IGSF10: variants seen among roughly 807,000 people sequenced by gnomAD.
IGSF10 encodes the protein immunoglobulin superfamily member 10, also known as calvaria mechanical force protein 608.
Under a neutral mutation model 128.2 loss-of-function variants are expected in IGSF10, and 126 were observed. The ratio of observed to expected loss-of-function variants is 0.98; its 90% CI spans 0.85 to 1.14. IGSF10 has a LOEUF of 1.14. IGSF10 is among the 50% of genes most tolerant of loss of function. The probability of loss-of-function intolerance (pLI) is 0.00; values close to 1 mark genes in which losing one functional copy is unlikely to be tolerated. For synonymous variants in IGSF10, 1,185 were observed against 1,146.2 expected (o/e 1.03, Z -0.68); for missense variants, 3,295 against 3,149.8 (o/e 1.05, Z -1.10).
the IGSF10 span, among the ~76,000 whole-genome samples, chr3:151,585,204 C>T: frequency 6.6e-6 from 1 of 151,988 alleles, no homozygotes; most frequent in South Asian, 2.1e-4. Context: ...TGCAAAATAT[C>T]TCATTAATAA....
the IGSF10 span, among the ~76,000 whole-genome samples, chr3:151,530,967 A>G: frequency 2.0e-5 from 3 of 152,202 alleles, no homozygotes; most frequent in African/African-American, 7.2e-5. Flanking sequence ...AGACACACAT[A>G]GGCTCAAAAT....
Position 151,438,309 on chromosome 3 carries a change from C to A in IGSF10, c.6252G>T (p.Met2084Ile). 6.2e-7 allele frequency: 1 copy of A among 1,614,156 alleles called. No individual in the cohort carries two copies. Among genetic ancestry groups the A allele is most frequent in the East Asian group, 2.2e-5 (1 of 44,886 alleles). Reference protein sequence around the residue: ...LPDGTMINNAMQADDSGHRTR... With the variant: ...LPDGTMINNAIQADDSGHRTR... ...TCCTGTGGCCACTGTCATCGGCTTG[C>A]ATTGCATTGTTGATCATGGTTCCAT... The change falls in exon 8 of 8, where the codon ATG becomes ATT. Residue 2084 changes from methionine to isoleucine, a missense_variant. By Grantham distance (10) the Met-to-Ile change is conservative. Coordinates refer to ENST00000282466, the MANE Select transcript of IGSF10 (RefSeq NM_178822.5).
chr3:151,591,491 T>C, the IGSF10 span, among the ~76,000 whole-genome samples: 87 of 149,902 alleles, frequency 5.8e-4, no homozygotes, highest in African/African-American at 2.0e-3. Flanking sequence ...TCCTTAACTA[T>C]CTTTAACTAG....
rs754965156 is a variant in IGSF10, at chr3:151,437,943, G to T, written c.6618C>A (p.Leu2206=). The change falls in exon 8 of 8, where the codon CTC becomes CTA. Residue 2206 remains leucine, a synonymous_variant. Transcript: ENST00000282466. ...CTACACATACGTACTCTCCAGAATC[G>T]AGCAGTTTCACTTTGTTGATGGTCA... ...GSLTINKVKL[L]DSGEYVCVAR... The T allele has an allele frequency of 1.2e-5, 19 of 1,614,054 alleles. No homozygotes were observed. Among genetic ancestry groups the T allele is most frequent in the Non-Finnish European group, 1.4e-5 (17 of 1,180,036 alleles).
chr3:151,443,674 T>A lies in IGSF10; in HGVS notation c.5273A>T (p.His1758Leu). The A allele has an allele frequency of 6.2e-7, 1 of 1,614,096 alleles. No individual in the cohort carries two copies. The highest frequency in any genetic ancestry group is 1.7e-5 in the Admixed American group (1 of 60,024). The change falls in exon 7 of 8, where the codon CAT (histidine) becomes CTT (leucine). Residue 1758 changes from histidine (H) to leucine (L), a missense_variant. By Grantham distance (99) the His-to-Leu change is moderately conservative. Transcript: ENST00000282466. ...CTTCAGTTCCACAGTGCTTCCGGAA[T>A]GAACTGTGATCTCTTTGGTACGTCT... ...LERRTKEITV[H>L]SGSTVELKCR...
At chr3:151,508,471 A>C in the IGSF10 span, among the ~76,000 whole-genome samples, 1 of 152,126 alleles carries the variant, frequency 6.6e-6, no homozygotes, top group African/African-American at 2.4e-5. Flanking sequence ...GAGGAAAGAG[A>C]GATTCTGTCT....
chr3:151,544,206 GC>G, the IGSF10 span, among the ~76,000 whole-genome samples: 1 of 152,188 alleles, frequency 6.6e-6, no homozygotes, highest in East Asian at 1.9e-4. Context: ...ACCACACCTG[GC>G]CTGTCAAATG....
At position 151,446,793 on chromosome 3, in the gene IGSF10, C is replaced by T. The variant is rs1481250249; in HGVS notation, c.3188G>A (p.Cys1063Tyr). 10 of 1,613,988 alleles carry T rather than the reference C, an allele frequency of 6.2e-6. No individual in the cohort carries two copies. Among genetic ancestry groups the T allele is most frequent in the South Asian group, 1.1e-5 (1 of 91,088 alleles). ...AFSATVLNVT[C>Y]LSCLPRERLT... ...CCTCTCCCTGGGAAGACAGGACAGA[C>T]ATGTCACATTGAGCACTGTGGCTGA... The change falls in exon 6 of 8, where the codon TGT becomes TAT. Residue 1063 changes from cysteine (C) to tyrosine (Y), a missense_variant. By Grantham distance (194) the Cys-to-Tyr change is radical. Transcript: ENST00000282466.
the IGSF10 span, among the ~76,000 whole-genome samples, chr3:151,488,602 C>T: frequency 6.6e-6 from 1 of 152,162 alleles, no homozygotes; most frequent in African/African-American, 2.4e-5. Context: ...ACCAAAACAG[C>T]ATGGTATTTA....
the IGSF10 span, among the ~76,000 whole-genome samples, chr3:151,547,425 T>TACACACACAC: frequency 2.4e-5 from 2 of 85,038 alleles, no homozygotes; most frequent in Non-Finnish European, 4.8e-5. Context: ...TATAAATATA[T>TACACACACAC]ATATACACAC....
At chr3:151,598,217 A>G in the IGSF10 span, among the ~76,000 whole-genome samples, 1 of 152,106 alleles carries the variant, frequency 6.6e-6, no homozygotes, top group Non-Finnish European at 1.5e-5. Context: ...GTGTTGGGAT[A>G]CTTAAGCCAA....
At chr3:151,492,925 T>A in the IGSF10 span, among the ~76,000 whole-genome samples, 4 of 111,344 alleles carry the variant, frequency 3.6e-5, no homozygotes, top group Non-Finnish European at 8.3e-5. Flanking sequence ...ATATTTTATA[T>A]ATGTATATGT....
chr3:151,495,899 A>G, the IGSF10 span, among the ~76,000 whole-genome samples: 3 of 152,220 alleles, frequency 2.0e-5, 1 homozygote, highest in South Asian at 4.1e-4. Flanking sequence ...ACCATGTTTC[A>G]TTTTCTTCTA....
At chr3:151,609,734 A>C in the IGSF10 span, among the ~76,000 whole-genome samples, 2 of 152,210 alleles carry the variant, frequency 1.3e-5, no homozygotes, top group Non-Finnish European at 2.9e-5. Flanking sequence ...GAATTAATGC[A>C]GAAACAGAAA....
the IGSF10 span, among the ~76,000 whole-genome samples, chr3:151,562,464 C>A: frequency 6.6e-6 from 1 of 152,206 alleles, no homozygotes; most frequent in South Asian, 2.1e-4. Flanking sequence ...ACCTCAAATT[C>A]TTTCTTGCAC....
Position 151,443,096 on chromosome 3 carries a change from T to C in IGSF10, c.5851A>G (p.Thr1951Ala). The change falls in exon 7 of 8, where the codon ACT (threonine) becomes GCT (alanine). Residue 1951 changes from threonine (T) to alanine (A), a missense_variant. Physicochemically the swap from Thr to Ala is moderately conservative, Grantham distance 58 (BLOSUM62 0). Transcript: ENST00000282466. ...PRIEAASQKR[T>A]EVNFGDKLLL... ...AATTTGTCCCCAAAATTCACTTCAG[T>C]CCTTTTCTGGGATGCAGCTTCTATC... The C allele has an allele frequency of 6.2e-7, 1 of 1,614,222 alleles. No homozygotes were observed. Among genetic ancestry groups the C allele is most frequent in the Non-Finnish European group, 8.5e-7 (1 of 1,180,040 alleles).
the IGSF10 span, among the ~76,000 whole-genome samples, chr3:151,573,465 C>T: frequency 3.9e-5 from 6 of 152,270 alleles, no homozygotes; most frequent in Admixed American, 3.9e-4. Flanking sequence ...TTGAATTGAT[C>T]CCTTTACAAT....
At chr3:151,527,677 T>C in the IGSF10 span, among the ~76,000 whole-genome samples, 130,560 of 152,244 alleles carry the variant, frequency 0.86, 56,192 homozygotes, top group Middle Eastern at 0.95. Flanking sequence ...GGGCCAGGTG[T>C]AGTGGCTCAT....
chr3:151,604,154 C>T, the IGSF10 span, among the ~76,000 whole-genome samples: 1 of 152,030 alleles, frequency 6.6e-6, no homozygotes, highest in Non-Finnish European at 1.5e-5. Flanking sequence ...AGTAAGTAAA[C>T]TATCTAAACA....
Sources: allele counts gnomAD v4.1 joint callset (sites outside exome capture counted in the v4.1 genomes callset), GRCh38; gene constraint gnomAD v4.1.1; transcripts MANE v1.5; gene names NCBI Gene and HGNC (gene_info 2026-07-23, HGNC 2026-07-21).